DLGAP3: variants seen among roughly 807,000 people sequenced by gnomAD.
DLGAP3 encodes DLG associated protein 3.
A neutral mutation model predicts 81.2 loss-of-function variants in DLGAP3; 17 were observed. That is an observed-to-expected ratio of 0.21 (90% CI 0.14 to 0.31). The LOEUF is 0.31. Among genes scored for constraint, DLGAP3 ranks in the 10% least tolerant of loss-of-function variants. DLGAP3 has a pLI of 1.00. For synonymous variants in DLGAP3, 577 were observed against 587.4 expected, an observed-to-expected ratio of 0.98 and a Z score of 0.26; for missense variants, 1,124 against 1,388.0, an observed-to-expected ratio of 0.81 and a Z score of 3.02.
At chr1:34,912,298 G>A (rs1639651219) in intron 1 of DLGAP3, among the ~76,000 whole-genome samples, 1 of 152,168 alleles carries the variant, frequency 6.6e-6, no homozygotes, top group Non-Finnish European at 1.5e-5. Context: ...CTCACCTGGG[G>A]AAAAGATAAG....
Position 34,904,423 on chromosome 1 carries a change from A to C in DLGAP3, c.961T>G (p.Ser321Ala). 6.2e-7 allele frequency: 1 copy of C among 1,614,100 alleles called. No individual in the cohort carries two copies. Among genetic ancestry groups the C allele is most frequent in the East Asian group, 2.2e-5 (1 of 44,880 alleles). The change falls in exon 3 of 12, where the codon TCA becomes GCA. Residue 321 changes from serine (S) to alanine (A), a missense_variant. Physicochemically the swap from Ser to Ala is moderately conservative, Grantham distance 99 (BLOSUM62 1). Around this residue, in one of 9 missense-constraint regions of DLGAP3, gnomAD observed 357 missense variants for 408.8 expected, o/e 0.87. Coordinates refer to ENST00000373347, the MANE Select transcript of DLGAP3 (RefSeq NM_001080418.3). This position sits in a 1 kb window ranked among gnomAD's most constrained non-coding sequence, Gnocchi z 8.1. ...RCLACTGMSMSLDGQSVKRSA... is the reference protein window; with the variant it reads ...RCLACTGMSMALDGQSVKRSA... ...CGCTTGACCGACTGTCCATCCAGTG[A>C]CATGGACATGCCAGTGCAGGCAAGG...
chr1:34,887,108 C>T (rs892954661), intron 5 of DLGAP3, among the ~76,000 whole-genome samples: 4 of 151,986 alleles, frequency 2.6e-5, no homozygotes, highest in Middle Eastern at 3.4e-3. Flanking sequence ...GTGCCTGCCA[C>T]GACGCCCGGC....
Position 34,867,673 on chromosome 1 carries a change from TC to T in DLGAP3, c.2486-47del. The T allele has an allele frequency of 6.8e-7, 1 of 1,480,888 alleles. No homozygotes were observed. The allele number at this position is 1,480,888 out of a possible 1,614,324, so 91.7% of individuals were successfully genotyped here. On this transcript the variant is annotated intron_variant, in intron 9 of 11. Transcript: ENST00000373347. The surrounding 1 kb of genome is among the most constrained non-coding windows in gnomAD (Gnocchi z 4.3). ...CAGGGAGGGAAATGATGCATCTCCT[TC>T]CCCAGCCTCCACGAAGTCTGCCCTG...
At chr1:34,910,407 A>T (rs945850334) in intron 1 of DLGAP3, among the ~76,000 whole-genome samples, 4 of 152,178 alleles carry the variant, frequency 2.6e-5, no homozygotes, top group African/African-American at 9.7e-5. Context: ...TGCAAATCTC[A>T]TCATGTCACT....
intron 5 of DLGAP3, among the ~76,000 whole-genome samples, chr1:34,897,748 C>T (rs1245620616): frequency 6.6e-6 from 1 of 152,202 alleles, no homozygotes; most frequent in Non-Finnish European, 1.5e-5. Context: ...GCAGTGCCAT[C>T]GTCCAGACAA....
intron 3 of DLGAP3, among the ~76,000 whole-genome samples, chr1:34,903,368 T>C (rs1285572933): frequency 2.6e-5 from 4 of 152,246 alleles, no homozygotes; most frequent in Non-Finnish European, 5.9e-5. Flanking sequence ...TGTATCTTCA[T>C]CTTTGTATCC....
At chr1:34,912,447 C>G (rs527699142) in intron 1 of DLGAP3, among the ~76,000 whole-genome samples, 1 of 152,292 alleles carries the variant, frequency 6.6e-6, no homozygotes, top group East Asian at 1.9e-4. Flanking sequence ...TTAGCCAATT[C>G]ACTCCTTCCC....
intron 8 of DLGAP3, among the ~76,000 whole-genome samples, chr1:34,883,750 T>C (rs905860922): frequency 2.0e-4 from 30 of 150,526 alleles, no homozygotes; most frequent in Non-Finnish European, 2.9e-5. Context: ...GGGAGCCAAA[T>C]CAGAAGTTGA....
chr1:34,867,486 A>T lies in DLGAP3; in HGVS notation c.2577+50T>A, dbSNP rs1404162133. 1 of 1,511,130 alleles carries T rather than the reference A, an allele frequency of 6.6e-7. No homozygotes were observed. The allele number at this position is 1,511,130 out of a possible 1,614,324, so 93.6% of individuals were successfully genotyped here. ...TGCCTGTCTCACCTCCAGCACACAC[A>T]CACTCTGGGTCACATGTATCTGGTA... On this transcript the variant is annotated intron_variant, in intron 10 of 11. Coordinates refer to ENST00000373347, the MANE Select transcript of DLGAP3 (RefSeq NM_001080418.3). The surrounding 1 kb of genome is among the most constrained non-coding windows in gnomAD (Gnocchi z 4.3).
intron 5 of DLGAP3, among the ~76,000 whole-genome samples, chr1:34,899,308 T>C (rs1195828085): frequency 6.6e-6 from 1 of 152,178 alleles, no homozygotes; most frequent in African/African-American, 2.4e-5. Context: ...GACCTCGTGA[T>C]CCGACCACCT....
intron 7 of DLGAP3, among the ~76,000 whole-genome samples, 153 bp downstream of exon 7, chr1:34,885,325 A>T (rs1266911371): frequency 6.6e-6 from 1 of 151,980 alleles, no homozygotes; most frequent in Non-Finnish European, 1.5e-5. Context: ...GGCTGGCTGG[A>T]GCAGCCCCGT....
intron 8 of DLGAP3, among the ~76,000 whole-genome samples, chr1:34,881,201 C>T (rs544744716): frequency 1.3e-5 from 2 of 152,276 alleles, no homozygotes; most frequent in African/African-American, 2.4e-5. Flanking sequence ...AAATCTAATA[C>T]TGTATATAAA....
In DLGAP3 at chr1:34,868,551, G is replaced by A; in HGVS notation, c.2485+54C>T. 2 of 1,501,322 alleles carry A rather than the reference G, an allele frequency of 1.3e-6. No homozygotes were observed. The highest frequency in any genetic ancestry group is 2.7e-5 in the African/African-American group (2 of 73,072). The allele number at this position is 1,501,322 out of a possible 1,614,324, so 93.0% of individuals were successfully genotyped here. On this transcript the variant is annotated intron_variant, in intron 9 of 11. Coordinates refer to ENST00000373347, the MANE Select transcript of DLGAP3 (RefSeq NM_001080418.3). This position sits in a 1 kb window ranked among gnomAD's most constrained non-coding sequence, Gnocchi z 7.5. ...AGCCACCCCCATCAGGGTCTCCTGA[G>A]CACACACGAGGCCATGGTCCCCAGA...
intron 5 of DLGAP3, among the ~76,000 whole-genome samples, chr1:34,896,503 C>T (rs1464838017): frequency 1.3e-5 from 2 of 151,800 alleles, no homozygotes; most frequent in Admixed American, 6.6e-5. Flanking sequence ...GCAGGAGAAT[C>T]GCTTGAACCC....
chr1:34,876,061 T>A (rs1639051991), intron 8 of DLGAP3, among the ~76,000 whole-genome samples: 1 of 152,282 alleles, frequency 6.6e-6, no homozygotes, highest in Non-Finnish European at 1.5e-5. Context: ...GAGCTGTCTC[T>A]GGTTCTGCTC....
intron 5 of DLGAP3, among the ~76,000 whole-genome samples, chr1:34,888,719 G>A (rs938805985): frequency 6.7e-6 from 1 of 149,714 alleles, no homozygotes; most frequent in African/African-American, 2.4e-5. Flanking sequence ...ACTGACACAA[G>A]CCACACTTGT....
intron 5 of DLGAP3, among the ~76,000 whole-genome samples, chr1:34,896,447 G>C (rs1196051425): frequency 1.3e-5 from 2 of 152,102 alleles, no homozygotes; most frequent in Admixed American, 1.3e-4. Context: ...CAGTTAGCCA[G>C]GTGTGGTGGC....
In DLGAP3 at chr1:34,899,663, C is replaced by T. The variant is rs1639424948; in HGVS notation, c.1386+6G>A. 2 of 1,612,470 alleles carry T rather than the reference C, an allele frequency of 1.2e-6. No individual in the cohort carries two copies. Among genetic ancestry groups the T allele is most frequent in the Admixed American group, 3.3e-5 (2 of 60,024 alleles). On this transcript the variant is annotated splice_donor_region_variant and intron_variant, in intron 5 of 11. Coordinates refer to ENST00000373347, the MANE Select transcript of DLGAP3 (RefSeq NM_001080418.3). ...TTTCCTCCAGGCATACTGGGCCTCTCCCTACCTGTCCAGTGGTGAGGGAAC... is the reference window on the plus strand; with the variant it reads ...TTTCCTCCAGGCATACTGGGCCTCTTCCTACCTGTCCAGTGGTGAGGGAAC...
chr1:34,912,627 C>G (rs1183695111), intron 1 of DLGAP3, among the ~76,000 whole-genome samples: 2 of 152,186 alleles, frequency 1.3e-5, no homozygotes, highest in Non-Finnish European at 2.9e-5. Context: ...CAAGTGAGGC[C>G]TAGAATTCAT....
Sources: gnomAD v4.1 joint callset for allele counts (sites outside exome capture counted in the v4.1 genomes callset) on GRCh38, gnomAD v4.1.1 for gene constraint, gnomAD v4.1.1 regional missense constraint, Gnocchi (gnomAD v3.1) non-coding constraint, MANE v1.5 for transcripts, NCBI Gene and HGNC (gene_info 2026-07-23, HGNC 2026-07-21) for gene names.